Variants in THRB observed in about 807,000 individuals in gnomAD.
The protein encoded by THRB is nuclear receptor subfamily 1 group A member 2.
In THRB, 12 loss-of-function variants were observed where a neutral mutation model predicts 47.8. The ratio of observed to expected loss-of-function variants is 0.25; its 90% CI spans 0.16 to 0.41. The LOEUF is 0.41. Ranked by LOEUF, THRB falls within the 10% of genes least tolerant of loss-of-function variation. The pLI is 1.00. For missense variants in THRB, 348 were observed against 589.2 expected, an observed-to-expected ratio of 0.59 and a Z score of 4.24; for synonymous variants, 218 against 212.2, an observed-to-expected ratio of 1.03 and a Z score of -0.24.
chr3:24,125,020 T>G (rs917262361), intron 10 of THRB, among the ~76,000 whole-genome samples: 13 of 152,228 alleles, frequency 8.5e-5, no homozygotes, highest in African/African-American at 3.1e-4. Flanking sequence ...TTCAGTTTGG[T>G]GTTTGATAGT....
intron 8 of THRB, among the ~76,000 whole-genome samples, chr3:24,141,795 C>T (rs1014149823): frequency 5.3e-5 from 8 of 152,164 alleles, no homozygotes; most frequent in African/African-American, 9.7e-5. Flanking sequence ...AGCTTGGTCA[C>T]GACTTGAAAT....
intron 2 of THRB, among the ~76,000 whole-genome samples, chr3:24,330,547 C>T (rs1271031298): frequency 6.6e-6 from 1 of 152,222 alleles, no homozygotes; most frequent in African/African-American, 2.4e-5. Context: ...TCTCTCATCT[C>T]TCACCAAGCT....
intron 1 of THRB, among the ~76,000 whole-genome samples, chr3:24,384,141 C>T (rs2065909864): frequency 6.6e-6 from 1 of 152,092 alleles, no homozygotes; most frequent in African/African-American, 2.4e-5. Context: ...TCCTTTTACT[C>T]ATCAGATTTG....
chr3:24,488,764 T>C (rs1453301487), intron 1 of THRB, among the ~76,000 whole-genome samples: 2 of 152,104 alleles, frequency 1.3e-5, no homozygotes, highest in Admixed American at 6.5e-5. Context: ...ACTGGAAAAA[T>C]AGCTTTAATA....
At chr3:24,253,002 T>TTGG (rs1212233678) in intron 3 of THRB, among the ~76,000 whole-genome samples, 1 of 152,090 alleles carries the variant, frequency 6.6e-6, no homozygotes, top group Non-Finnish European at 1.5e-5. Context: ...TGTATAGGAT[T>TTGG]TGGTATCTAT....
chr3:24,257,653 C>A (rs941536177), intron 3 of THRB, among the ~76,000 whole-genome samples: 1 of 152,180 alleles, frequency 6.6e-6, no homozygotes, highest in Non-Finnish European at 1.5e-5. Context: ...GTGAAAGCAG[C>A]CACAGACAAT....
chr3:24,315,278 C>A (rs546128867), intron 2 of THRB, among the ~76,000 whole-genome samples: 5 of 152,298 alleles, frequency 3.3e-5, no homozygotes, highest in Admixed American at 2.6e-4. Flanking sequence ...GCTTTTAGGA[C>A]CTGCCGACAT....
At chr3:24,252,726 T>TA (rs1280906801) in intron 3 of THRB, among the ~76,000 whole-genome samples, 3 of 151,508 alleles carry the variant, frequency 2.0e-5, no homozygotes, top group Non-Finnish European at 4.4e-5. Context: ...TGTATAAATG[T>TA]AAAAAAAGAA....
chr3:24,246,470 T>A (rs527756435), intron 3 of THRB, among the ~76,000 whole-genome samples: 4 of 152,342 alleles, frequency 2.6e-5, no homozygotes, highest in African/African-American at 9.6e-5. Flanking sequence ...AATGATTTCT[T>A]ATATAATAGT....
chr3:24,187,938 T>C (rs529202775), intron 5 of THRB, among the ~76,000 whole-genome samples: 4 of 152,364 alleles, frequency 2.6e-5, no homozygotes, highest in African/African-American at 9.6e-5. Context: ...CATTGCCTCA[T>C]GCCTATGTCA....
intron 2 of THRB, among the ~76,000 whole-genome samples, chr3:24,309,563 T>A (rs377306268): frequency 1.3e-5 from 2 of 152,234 alleles, no homozygotes; most frequent in Non-Finnish European, 2.9e-5. Context: ...ACAGTTGATA[T>A]TCAGTAAATA....
intron 5 of THRB, among the ~76,000 whole-genome samples, chr3:24,156,383 C>T (rs1364847058): frequency 6.6e-6 from 1 of 152,240 alleles, no homozygotes; most frequent in East Asian, 1.9e-4. Context: ...TTGGCAGATA[C>T]ATGGCCCTTA....
intron 1 of THRB, among the ~76,000 whole-genome samples, chr3:24,490,693 G>A (rs1698013712): frequency 6.6e-6 from 1 of 152,052 alleles, no homozygotes; most frequent in Non-Finnish European, 1.5e-5. Flanking sequence ...GTACCTCGTT[G>A]TCCTGTCCTC....
At position 24,146,667 on chromosome 3, in the gene THRB, C is replaced by G. The variant is rs146617205; in HGVS notation, c.532+8G>C. The G allele has an allele frequency of 2.0e-4, 315 of 1,613,980 alleles. 1 individual carries two copies. The African/African-American group carries it at 3.4e-3, about 17-fold the overall frequency. On this transcript the variant is annotated splice_region_variant and intron_variant, in intron 7 of 10. Transcript: ENST00000646209. ...CCTTGAATATGAAGCAAGTGAAGAT[C>G]TACTTACAATCTGTTGCCATGCCAA...
intron 5 of THRB, among the ~76,000 whole-genome samples, chr3:24,168,235 C>T (rs2039911782): frequency 6.6e-6 from 1 of 152,122 alleles, no homozygotes; most frequent in Admixed American, 6.5e-5. Flanking sequence ...CCCCTCACAT[C>T]CTGATAGAAG....
At chr3:24,271,338 A>G (rs2053306656) in intron 3 of THRB, among the ~76,000 whole-genome samples, 1 of 152,196 alleles carries the variant, frequency 6.6e-6, no homozygotes, top group South Asian at 2.1e-4. Context: ...AGCTCAAAAA[A>G]ACAGGGGAAA....
At chr3:24,331,594 T>C (rs964860339) in intron 2 of THRB, among the ~76,000 whole-genome samples, 7 of 152,168 alleles carry the variant, frequency 4.6e-5, no homozygotes, top group Non-Finnish European at 8.8e-5. Context: ...TTTTACATTG[T>C]TGTTTTTGTT....
chr3:24,318,494 C>T, intron 2 of THRB: 1 of 152,196 alleles, frequency 6.6e-6, no homozygotes, highest in South Asian at 2.1e-4. Flanking sequence ...CTCCAAGCCC[C>T]CTGAAAATAC....
intron 3 of THRB, among the ~76,000 whole-genome samples, chr3:24,268,022 G>A (rs923837463): frequency 2.6e-5 from 4 of 152,102 alleles, no homozygotes; most frequent in Non-Finnish European, 4.4e-5. Context: ...TCTCTATAAA[G>A]GCAATACTTT....
Sources: allele counts gnomAD v4.1 joint callset (sites outside exome capture counted in the v4.1 genomes callset), GRCh38; gene constraint gnomAD v4.1.1; transcripts MANE v1.5; gene names NCBI Gene and HGNC (gene_info 2026-07-23, HGNC 2026-07-21).